TTC39B: variants seen among roughly 807,000 people sequenced by gnomAD.
TTC39B encodes tetratricopeptide repeat protein 39B.
Under a neutral mutation model 96.6 loss-of-function variants are expected in TTC39B, and 92 were observed. That is an observed-to-expected ratio of 0.95 (90% CI 0.80 to 1.13). The LOEUF (loss-of-function observed/expected upper bound fraction) is 1.13. TTC39B is among the 50% of genes most tolerant of loss of function. TTC39B has a pLI of 0.00. For synonymous variants in TTC39B, 367 were observed against 299.4 expected (o/e 1.23, Z -2.33); for missense variants, 955 against 809.3 (o/e 1.18, Z -2.18).
intron 2 of TTC39B, among the ~76,000 whole-genome samples, chr9:15,253,916 C>T (rs1286682860): frequency 6.6e-6 from 1 of 151,998 alleles, no homozygotes; most frequent in Non-Finnish European, 1.5e-5. Flanking sequence ...TACTAAGAAC[C>T]ATACAAAGCA....
chr9:15,226,285 T>C (rs1821120819), intron 2 of TTC39B, among the ~76,000 whole-genome samples: 1 of 152,252 alleles, frequency 6.6e-6, no homozygotes, highest in African/African-American at 2.4e-5. Flanking sequence ...GATAGGATTG[T>C]ATCTTGTATA....
At chr9:15,226,298 T>A (rs917944577) in intron 2 of TTC39B, among the ~76,000 whole-genome samples, 3 of 152,230 alleles carry the variant, frequency 2.0e-5, no homozygotes, top group East Asian at 3.8e-4. Flanking sequence ...CTTGTATATA[T>A]CCGTCCAGGT....
At chr9:15,200,770 G>A (rs1477925926) in intron 7 of TTC39B, among the ~76,000 whole-genome samples, 3 of 152,358 alleles carry the variant, frequency 2.0e-5, no homozygotes, top group African/African-American at 7.2e-5. Context: ...GGAGGCCGAG[G>A]CGGGTGGATC....
At chr9:15,222,532 C>T (rs1324984978) in intron 3 of TTC39B, among the ~76,000 whole-genome samples, 5 of 152,116 alleles carry the variant, frequency 3.3e-5, no homozygotes, top group South Asian at 4.1e-4. Context: ...AACATTTTGC[C>T]GTAACCTTCA....
At chr9:15,273,351 A>G (rs1033477655) in intron 1 of TTC39B, among the ~76,000 whole-genome samples, 1 of 152,196 alleles carries the variant, frequency 6.6e-6, no homozygotes, top group Non-Finnish European at 1.5e-5. Flanking sequence ...TATGTGACAA[A>G]TATTACTGCA....
At chr9:15,174,957 T>C (rs965921454) in intron 19 of TTC39B, 62 bp downstream of exon 19, 3 of 998,512 alleles carry the variant, frequency 3.0e-6, no homozygotes, top group African/African-American at 3.2e-5. Flanking sequence ...CTGCTGTTGT[T>C]AGAGCAGTAC....
intron 14 of TTC39B, 86 bp downstream of exon 14, chr9:15,187,885 T>C (rs1172518215): frequency 7.3e-7 from 1 of 1,367,470 alleles, no homozygotes; most frequent in South Asian, 1.6e-5. Context: ...TGTGGTATCA[T>C]ACTACTGAGC....
intron 1 of TTC39B, among the ~76,000 whole-genome samples, chr9:15,298,924 C>T (rs994723613): frequency 6.6e-6 from 1 of 152,192 alleles, no homozygotes; most frequent in Non-Finnish European, 1.5e-5. Flanking sequence ...TTCCCCACAT[C>T]ACTTCTCCAT....
rs185905855 is a variant in TTC39B, at chr9:15,218,033, C to A, written c.372-3784G>T. Among the ~76,000 whole-genome samples the A allele has an allele frequency of 5.0e-3, 763 of 152,100 alleles. 7 individuals are homozygous for A. Among genetic ancestry groups the A allele is most frequent in the African/African-American group, 0.018 (726 of 41,476 alleles). Reference sequence around the variant, plus strand: ...GACCAGCCTGGCCAACATGGTGAAACCCCGTCTCTACTCAAAATACAAAAA... The same window carrying A: ...GACCAGCCTGGCCAACATGGTGAAAACCCGTCTCTACTCAAAATACAAAAA... On this transcript the variant is annotated intron_variant, in intron 3 of 19. Coordinates refer to ENST00000512701, the Ensembl canonical transcript of TTC39B.
chr9:15,286,319 C>T (rs1001406847), intron 1 of TTC39B, among the ~76,000 whole-genome samples: 3 of 152,212 alleles, frequency 2.0e-5, no homozygotes, highest in African/African-American at 4.8e-5. Flanking sequence ...TTTTATGATA[C>T]CAGCAGTCTT....
At chr9:15,166,364 T>C (rs1226362962) in exon 20 of TTC39B, 1 of 152,166 alleles carries the variant, frequency 6.6e-6, no homozygotes, top group Non-Finnish European at 1.5e-5. Context: ...GGGAATGGGG[T>C]GTAGACTTCC....
At chr9:15,202,805 C>T (rs887099022) in intron 7 of TTC39B, among the ~76,000 whole-genome samples, 1 of 151,482 alleles carries the variant, frequency 6.6e-6, no homozygotes, top group Non-Finnish European at 1.5e-5. Context: ...TGATTTCTTA[C>T]AATCTCTACC....
At chr9:15,232,764 G>T (rs1190859468) in intron 2 of TTC39B, among the ~76,000 whole-genome samples, 1 of 152,198 alleles carries the variant, frequency 6.6e-6, no homozygotes, top group African/African-American at 2.4e-5. Context: ...GGGAGGTTGG[G>T]CCCTCGAAGA....
intron 2 of TTC39B, among the ~76,000 whole-genome samples, chr9:15,237,002 CA>C (rs369273863): frequency 0.12 from 16,868 of 141,808 alleles, 1,417 homozygotes; most frequent in African/African-American, 0.25. Flanking sequence ...GAGATTGAGA[CA>C]AAAAAAAAAA....
Position 15,214,315 on chromosome 9 carries a change from AGTGTGTGTGTGTGTGT to A in TTC39B, c.372-82_372-67del. ...TACGATCAGCAAGTTGTCCGAAGGG[AGTGTGTGTGTGTGTGT>A]GTGTGTGTGTGTGTGTCTGTGTGTG... On this transcript the variant is annotated intron_variant, in intron 3 of 19. Transcript: ENST00000512701. 6.9e-6 allele frequency: 5 copies of A among 729,130 alleles called. No homozygotes were observed. The Admixed American group carries it at 1.2e-4, about 17-fold the overall frequency. 45.2% of individuals were successfully genotyped at this position (729,130 alleles called of 1,614,324 possible). A position where few individuals can be genotyped will look rare whatever the true frequency, so the allele number is the denominator to read the frequency against.
At chr9:15,206,107 G>A (rs1819835340) in intron 6 of TTC39B, among the ~76,000 whole-genome samples, 1 of 152,190 alleles carries the variant, frequency 6.6e-6, no homozygotes, top group African/African-American at 2.4e-5. Context: ...AAGGCAGACA[G>A]AAAAGGCATG....
intron 1 of TTC39B, among the ~76,000 whole-genome samples, chr9:15,283,401 T>G (rs1473167088): frequency 6.6e-6 from 1 of 152,264 alleles, no homozygotes; most frequent in Non-Finnish European, 1.5e-5. Context: ...CTTTTGCACC[T>G]TTATGCATTG....
At chr9:15,167,398 G>A (rs1817550276) in exon 20 of TTC39B, 2 of 151,340 alleles carry the variant, frequency 1.3e-5, no homozygotes, top group South Asian at 4.2e-4. Flanking sequence ...AGTCAGTGTT[G>A]AAACATTAAT....
intron 3 of TTC39B, among the ~76,000 whole-genome samples, chr9:15,222,845 A>G (rs1820922460): frequency 6.6e-6 from 1 of 152,214 alleles, no homozygotes; most frequent in African/African-American, 2.4e-5. Flanking sequence ...GAGACTGTAA[A>G]TTGAGTAACC....
Sources: allele counts gnomAD v4.1 joint callset (sites outside exome capture counted in the v4.1 genomes callset), GRCh38; gene constraint gnomAD v4.1.1; transcripts MANE v1.5; gene names NCBI Gene and HGNC (gene_info 2026-07-23, HGNC 2026-07-21).